SGCZ: variants seen among roughly 807,000 people sequenced by gnomAD.
SGCZ encodes sarcoglycan zeta, also known as zeta-sarcoglycan.
Under a neutral mutation model 41.3 loss-of-function variants are expected in SGCZ, and 40 were observed. The observed-to-expected ratio is 0.97, with a 90% CI of 0.75 to 1.26. SGCZ has a LOEUF of 1.26. SGCZ is among the 50% of genes most tolerant of loss of function. The pLI is 0.00. For missense variants in SGCZ, 552 were observed against 369.8 expected (o/e 1.49, Z -4.04); for synonymous variants, 206 against 137.5 (o/e 1.50, Z -3.49).
At chr8:14,877,611 TA>T (rs780247063) in intron 1 of SGCZ, among the ~76,000 whole-genome samples, 64 of 152,286 alleles carry the variant, frequency 4.2e-4, no homozygotes, top group Middle Eastern at 3.4e-3. Flanking sequence ...ATTAAAGGCA[TA>T]AAAAATAATA....
At chr8:14,768,493 C>G (rs986784416) in intron 1 of SGCZ, among the ~76,000 whole-genome samples, 1 of 152,304 alleles carries the variant, frequency 6.6e-6, no homozygotes, top group African/African-American at 2.4e-5. Flanking sequence ...TAAAATATTT[C>G]TCCAAACATA....
rs370416548 is a variant in SGCZ at position 15,041,151 on chromosome 8, TA to T, written c.39+196433del. On this transcript the variant is annotated intron_variant, in intron 1 of 7. Transcript: ENST00000382080. ...TTAAACCTTATAAATAATAGTCATT[TA>T]TTTTTTTTATAACATAGAGTTAAAT... Among the ~76,000 whole-genome samples, 912 of 152,026 alleles carry T rather than the reference TA, an allele frequency of 6.0e-3. 7 individuals are homozygous for T. Among genetic ancestry groups the T allele is most frequent in the African/African-American group, 0.016 (674 of 41,532 alleles).
chr8:15,158,981 G>A (rs938427654), intron 1 of SGCZ, among the ~76,000 whole-genome samples: 1 of 152,174 alleles, frequency 6.6e-6, no homozygotes, highest in South Asian at 2.1e-4. Context: ...TCTCCAAAGT[G>A]ATGGTTTTTG....
At chr8:14,461,708 C>T (rs747566334) in intron 2 of SGCZ, among the ~76,000 whole-genome samples, 2 of 152,098 alleles carry the variant, frequency 1.3e-5, no homozygotes, top group African/African-American at 4.8e-5. Flanking sequence ...ATATTCAACG[C>T]AAAGTCCTAC....
intron 2 of SGCZ, among the ~76,000 whole-genome samples, chr8:14,479,752 T>TTTTTTTTTTTTTTTTTTTTTTG (rs1563356626): frequency 1.5e-5 from 1 of 66,480 alleles, no homozygotes; most frequent in African/African-American, 4.5e-5. Flanking sequence ...TTTTTTTTTT[T>TTTTTTTTTTTTTTTTTTTTTTG]TTTTTTTTTA....
intron 1 of SGCZ, among the ~76,000 whole-genome samples, chr8:14,588,481 T>TA (rs1158036034): frequency 2.0e-5 from 3 of 152,176 alleles, no homozygotes; most frequent in Non-Finnish European, 4.4e-5. Flanking sequence ...ACAATAACGA[T>TA]AATTTAGTTC....
At chr8:14,495,994 A>G (rs1279305839) in intron 2 of SGCZ, among the ~76,000 whole-genome samples, 1 of 152,160 alleles carries the variant, frequency 6.6e-6, no homozygotes, top group Non-Finnish European at 1.5e-5. Context: ...GGGAATACAC[A>G]AAATATTTAA....
chr8:14,378,016 A>C (rs556727415), intron 2 of SGCZ, among the ~76,000 whole-genome samples: 1,656 of 149,496 alleles, frequency 0.011, 22 homozygotes, highest in Middle Eastern at 0.024. Flanking sequence ...TTATAGCAGC[A>C]TGATTTATAG....
At chr8:14,228,544 C>T (rs71524112) in intron 4 of SGCZ, among the ~76,000 whole-genome samples, 10,241 of 152,040 alleles carry the variant, frequency 0.067, 466 homozygotes, top group African/African-American at 0.12. Context: ...GTTTATTCAT[C>T]TGCTTAGTGA....
At chr8:14,510,626 G>C (rs1303567313) in intron 2 of SGCZ, among the ~76,000 whole-genome samples, 2 of 152,084 alleles carry the variant, frequency 1.3e-5, no homozygotes. Context: ...AAATACATTG[G>C]TAGAACATCA....
chr8:14,898,231 T>G (rs1805275984), intron 1 of SGCZ, among the ~76,000 whole-genome samples: 1 of 152,072 alleles, frequency 6.6e-6, no homozygotes, highest in South Asian at 2.1e-4. Context: ...ACTACAGGTG[T>G]GAGCCACCAT....
Position 14,164,597 on chromosome 8 carries a change from T to C in SGCZ, c.530A>G (p.Glu177Gly), listed in dbSNP as rs772261633. ...ADEDEITIGA[E>G]KLKVTGTEGA... Reference sequence around the variant, plus strand: ...TACAGTACCTGTAACTTTCAGCTTTTCAGCCCCAATGGTAATCTCATCTTC... The same window carrying C: ...TACAGTACCTGTAACTTTCAGCTTTCCAGCCCCAATGGTAATCTCATCTTC... Residue 177 changes from glutamate (E) to glycine (G), a missense_variant, in exon 5 of 8, where the codon GAA (glutamate) becomes GGA (glycine). Transcript: ENST00000382080. The C allele has an allele frequency of 3.7e-6, 6 of 1,613,516 alleles. No homozygotes were observed. The highest frequency in any genetic ancestry group is 5.1e-6 in the Non-Finnish European group (6 of 1,179,614).
intron 4 of SGCZ, among the ~76,000 whole-genome samples, chr8:14,215,733 AT>A (rs1413177114): frequency 1.3e-5 from 2 of 152,204 alleles, no homozygotes; most frequent in African/African-American, 4.8e-5. Flanking sequence ...ATTTGTACAT[AT>A]AAAAATAAAA....
intron 5 of SGCZ, among the ~76,000 whole-genome samples, chr8:14,149,980 G>C (rs933495114): frequency 7.9e-5 from 12 of 152,084 alleles, no homozygotes; most frequent in African/African-American, 2.9e-4. Context: ...ATACACCAAA[G>C]AATGAGACTA....
intron 1 of SGCZ, among the ~76,000 whole-genome samples, chr8:15,024,284 C>A (rs191357002): frequency 6.6e-6 from 1 of 151,910 alleles, no homozygotes; most frequent in Non-Finnish European, 1.5e-5. Context: ...TATATAAAAT[C>A]GACACTTTCT....
At chr8:15,187,350 T>G (rs1800379669) in intron 1 of SGCZ, among the ~76,000 whole-genome samples, 1 of 152,094 alleles carries the variant, frequency 6.6e-6, no homozygotes. Flanking sequence ...CCATCTTATT[T>G]CCCACAAATT....
intron 1 of SGCZ, among the ~76,000 whole-genome samples, chr8:15,184,999 G>A (rs908152450): frequency 5.3e-5 from 8 of 152,198 alleles, no homozygotes; most frequent in African/African-American, 1.9e-4. Context: ...ATTACCTCAA[G>A]GCTCTCTTCA....
chr8:14,599,173 T>A (rs1011512119), intron 1 of SGCZ, among the ~76,000 whole-genome samples: 1 of 152,170 alleles, frequency 6.6e-6, no homozygotes. Context: ...CTGTCTCTTA[T>A]CTCTTAAACT....
intron 1 of SGCZ, among the ~76,000 whole-genome samples, chr8:14,667,189 T>C (rs1563189740): frequency 6.6e-6 from 1 of 151,986 alleles, no homozygotes; most frequent in South Asian, 2.1e-4. Flanking sequence ...GGGCTGAGAG[T>C]AATGTAAAAG....
Sources: gnomAD v4.1 joint callset for allele counts (sites outside exome capture counted in the v4.1 genomes callset) on GRCh38, gnomAD v4.1.1 for gene constraint, MANE v1.5 for transcripts, NCBI Gene and HGNC (gene_info 2026-07-23, HGNC 2026-07-21) for gene names.